Variants in TPO observed in about 807,000 individuals in gnomAD.
TPO encodes the protein thyroid microsomal antigen.
A neutral mutation model predicts 96.9 loss-of-function variants in TPO; 78 were observed. The ratio of observed to expected loss-of-function variants is 0.81; its 90% CI spans 0.67 to 0.97. The LOEUF is 0.97. TPO is among the 50% of genes least tolerant of loss of function. The pLI is 0.00. For synonymous variants in TPO, 547 were observed against 538.0 expected (o/e 1.02, Z -0.23); for missense variants, 1,252 against 1,274.8 (o/e 0.98, Z 0.27).
chr2:1,387,923 C>G (rs1218624121), intron 1 of TPO, among the ~76,000 whole-genome samples: 7 of 152,194 alleles, frequency 4.6e-5, no homozygotes, highest in African/African-American at 1.4e-4. Context: ...AGTTTTCCCT[C>G]TAACAGACAG....
At chr2:1,460,595 T>C (rs769444688) in intron 7 of TPO, among the ~76,000 whole-genome samples, 3 of 152,228 alleles carry the variant, frequency 2.0e-5, no homozygotes, top group African/African-American at 4.8e-5. Context: ...AAAAAGAGTA[T>C]ATTTCCCACC....
intron 5 of TPO, among the ~76,000 whole-genome samples, chr2:1,449,771 A>G (rs1235792107): frequency 1.3e-5 from 2 of 152,212 alleles, no homozygotes; most frequent in African/African-American, 4.8e-5. Context: ...CAGAATAAAC[A>G]AGATTTTCAA....
chr2:1,382,102 T>C (rs948333183), intron 1 of TPO, among the ~76,000 whole-genome samples: 1 of 151,988 alleles, frequency 6.6e-6, no homozygotes, highest in Admixed American at 6.6e-5. Flanking sequence ...ATTAAACCCT[T>C]TAAAATGCAT....
At chr2:1,514,405 A>G (rs983593696) in intron 14 of TPO, among the ~76,000 whole-genome samples, 3 of 152,236 alleles carry the variant, frequency 2.0e-5, no homozygotes, top group African/African-American at 7.2e-5. Context: ...TAACCATCCC[A>G]GTCATGTTAT....
chr2:1,442,306 T>A (rs982764348), intron 5 of TPO, among the ~76,000 whole-genome samples: 2 of 152,072 alleles, frequency 1.3e-5, no homozygotes, highest in African/African-American at 2.4e-5. Flanking sequence ...TCACGGACAG[T>A]CCTCCAGAGG....
At chr2:1,486,138 G>A (rs772517408) in intron 9 of TPO, among the ~76,000 whole-genome samples, 10 of 152,120 alleles carry the variant, frequency 6.6e-5, no homozygotes, top group South Asian at 2.1e-4. Flanking sequence ...CATCGCAGCC[G>A]TGCAGACCTT....
At chr2:1,478,672 C>A (rs1028871203) in intron 8 of TPO, among the ~76,000 whole-genome samples, 1 of 152,240 alleles carries the variant, frequency 6.6e-6, no homozygotes, top group Non-Finnish European at 1.5e-5. Flanking sequence ...CACACTTCTC[C>A]GGCAAGCACG....
chr2:1,458,080 A>G (rs777755130), intron 7 of TPO, among the ~76,000 whole-genome samples: 1 of 151,026 alleles, frequency 6.6e-6, no homozygotes, highest in Non-Finnish European at 1.5e-5. Context: ...ATGGCATATG[A>G]GATTGTGGGC....
At chr2:1,375,073 A>C (rs887896078) in intron 1 of TPO, among the ~76,000 whole-genome samples, 1 of 151,922 alleles carries the variant, frequency 6.6e-6, no homozygotes, top group African/African-American at 2.4e-5. Context: ...GAAAAACTGA[A>C]AATGTTGATT....
chr2:1,459,239 C>T, intron 7 of TPO, among the ~76,000 whole-genome samples: 1 of 151,914 alleles, frequency 6.6e-6, no homozygotes, highest in East Asian at 1.9e-4. Flanking sequence ...GCAACCTCCG[C>T]CTCCCGGGTT....
intron 16 of TPO, 121 bp downstream of exon 16, chr2:1,540,844 C>T (rs755707269): frequency 3.7e-5 from 58 of 1,575,168 alleles, no homozygotes; most frequent in East Asian, 2.8e-4. Flanking sequence ...TTTCCTAGTC[C>T]GTTCTGCACC....
At chr2:1,476,156 GTAA>G (rs1437954933) in intron 7 of TPO, among the ~76,000 whole-genome samples, 1 of 152,280 alleles carries the variant, frequency 6.6e-6, no homozygotes, top group East Asian at 1.9e-4. Flanking sequence ...ATTTTCACTG[GTAA>G]TAATAATGTC....
chr2:1,476,995 G>A lies in TPO; in HGVS notation c.820-91G>A, dbSNP rs1670008026. ...CTGGAGGGGCAGAGAAACGTGCGGC[G>A]CTGCGGGGTCGTCGCCGGCCTCGAA... On this transcript the variant is annotated intron_variant, in intron 7 of 16. Transcript: ENST00000329066. 8.8e-6 allele frequency: 13 copies of A among 1,470,806 alleles called. No individual in the cohort carries two copies. The Admixed American group carries it at 2.5e-4, about 28-fold the overall frequency. 91.1% of individuals were successfully genotyped at this position (1,470,806 alleles called of 1,614,324 possible).
intron 3 of TPO, 24 bp downstream of exon 3, chr2:1,423,153 G>A (rs372409035): frequency 2.1e-4 from 336 of 1,608,988 alleles, no homozygotes; most frequent in Non-Finnish European, 2.6e-4. Context: ...AGGGGCCGCC[G>A]CCCCAAATGC....
At chr2:1,536,142 A>ATG (rs1679605538) in intron 15 of TPO, among the ~76,000 whole-genome samples, 1 of 21,772 alleles carries the variant, frequency 4.6e-5, no homozygotes, top group African/African-American at 1.8e-4. Flanking sequence ...CCCCCAATCT[A>ATG]TGCAACCTCC....
Position 1,536,708 on chromosome 2 carries a change from A to C in TPO, c.2619-3886A>C, listed in dbSNP as rs1679733585. 3.7e-5 allele frequency among the ~76,000 whole-genome samples: 3 copies of C among 81,250 alleles called. No homozygotes were observed. In the Admixed American group the frequency reaches 4.8e-4, roughly 13 times the overall value. 53.3% of individuals were successfully genotyped at this position (81,250 alleles called of 152,430 possible). On this transcript the variant is annotated intron_variant, in intron 15 of 16. Coordinates refer to ENST00000329066, the MANE Select transcript of TPO (RefSeq NM_001206744.2). ...GTGCAACCTCCATAAATCCAACCAAATGTATGCAACCTCCTCAAATCCCCA... is the reference window on the plus strand; with the variant it reads ...GTGCAACCTCCATAAATCCAACCAACTGTATGCAACCTCCTCAAATCCCCA...
intron 1 of TPO, among the ~76,000 whole-genome samples, chr2:1,386,731 T>C (rs1002812420): frequency 1.3e-5 from 2 of 152,198 alleles, no homozygotes; most frequent in Admixed American, 1.3e-4. Flanking sequence ...AATTTTGTTA[T>C]GTGTGAATTT....
intron 14 of TPO, among the ~76,000 whole-genome samples, chr2:1,511,881 T>C (rs1051733055): frequency 1.3e-5 from 2 of 152,244 alleles, no homozygotes; most frequent in Admixed American, 1.3e-4. Flanking sequence ...AATTGGTCCA[T>C]AGTGCCATCT....
chr2:1,474,205 G>A (rs905291614), intron 7 of TPO, among the ~76,000 whole-genome samples: 4 of 152,162 alleles, frequency 2.6e-5, no homozygotes, highest in African/African-American at 9.7e-5. Context: ...GTAAGTAATA[G>A]TAAATTGTGT....
Sources: gnomAD v4.1 joint callset for allele counts (sites outside exome capture counted in the v4.1 genomes callset) on GRCh38, gnomAD v4.1.1 for gene constraint, MANE v1.5 for transcripts, NCBI Gene and HGNC (gene_info 2026-07-23, HGNC 2026-07-21) for gene names.